The following SNX29 variants were observed in gnomAD, a reference collection of about 807,000 sequenced individuals.
SNX29 encodes sorting nexin-29.
SNX29 carries 78 observed loss-of-function variants against 102.1 expected under a neutral mutation model. The observed-to-expected ratio is 0.76, with a 90% CI of 0.64 to 0.92. The LOEUF is 0.92. SNX29 is among the 40% of genes least tolerant of loss of function. The pLI, the probability that SNX29 is intolerant of heterozygous loss-of-function variation, is 0.00. For missense variants in SNX29, 1,280 were observed against 1,061.7 expected, an observed-to-expected ratio of 1.21 and a Z score of -2.86; for synonymous variants, 580 against 414.5, an observed-to-expected ratio of 1.40 and a Z score of -4.85.
chr16:12,552,106 T>C (rs2078015513), intron 20 of SNX29, among the ~76,000 whole-genome samples: 1 of 152,184 alleles, frequency 6.6e-6, no homozygotes. Flanking sequence ...TCAGTGAGTG[T>C]AACCATGGCT....
chr16:11,982,180 C>T (rs1436767308), intron 1 of SNX29, among the ~76,000 whole-genome samples: 1 of 152,020 alleles, frequency 6.6e-6, no homozygotes, highest in Non-Finnish European at 1.5e-5. Context: ...AAGATGCCTG[C>T]CAGACATGTG....
chr16:12,211,636 C>T (rs1467060651), intron 14 of SNX29, among the ~76,000 whole-genome samples: 1 of 152,118 alleles, frequency 6.6e-6, no homozygotes, highest in African/African-American at 2.4e-5. Context: ...GTTATGGTGG[C>T]ATCTGTCAAC....
intron 4 of SNX29, among the ~76,000 whole-genome samples, chr16:12,033,352 C>T (rs1295704445): frequency 6.6e-6 from 1 of 152,122 alleles, no homozygotes; most frequent in Non-Finnish European, 1.5e-5. Context: ...ATCCTCCCAC[C>T]TTGGCCTCCC....
intron 8 of SNX29, among the ~76,000 whole-genome samples, chr16:12,054,335 T>G (rs2050432083): frequency 6.6e-6 from 1 of 152,242 alleles, no homozygotes; most frequent in Non-Finnish European, 1.5e-5. Context: ...TGGTTAATTT[T>G]GTGTGTCAAC....
At chr16:12,187,799 GTAT>G (rs2076547378) in intron 13 of SNX29, among the ~76,000 whole-genome samples, 1 of 152,054 alleles carries the variant, frequency 6.6e-6, no homozygotes, top group African/African-American at 2.4e-5. Flanking sequence ...GTACATTAGG[GTAT>G]TCCACACTGG....
intron 13 of SNX29, among the ~76,000 whole-genome samples, chr16:12,179,385 C>T (rs993874175): frequency 5.3e-5 from 8 of 152,134 alleles, no homozygotes; most frequent in East Asian, 1.9e-4. Flanking sequence ...CTCGGGAGGC[C>T]GAGGCAAGAG....
chr16:12,303,123 G>C (rs897363143), intron 15 of SNX29, among the ~76,000 whole-genome samples: 3 of 152,216 alleles, frequency 2.0e-5, no homozygotes, highest in Non-Finnish European at 4.4e-5. Context: ...CCGTGAAGCT[G>C]TCTGTCTGTT....
intron 20 of SNX29, among the ~76,000 whole-genome samples, chr16:12,539,820 T>C (rs2077243953): frequency 1.3e-5 from 2 of 152,254 alleles, no homozygotes; most frequent in Admixed American, 1.3e-4. Flanking sequence ...TGTTTTCCTT[T>C]AACACATCCT....
intron 18 of SNX29, among the ~76,000 whole-genome samples, chr16:12,471,495 C>T (rs2087338972): frequency 1.3e-5 from 2 of 152,264 alleles, no homozygotes; most frequent in Non-Finnish European, 2.9e-5. Context: ...GAATTCGAAC[C>T]CATTTCTCAC....
chr16:12,568,817 C>G lies in SNX29; in HGVS notation c.*188C>G, dbSNP rs911953609. ...GTCTTCGAGCCGCATGATACCGTGA[C>G]CCGAGAGACCAAGGCAGCACCTCGC... is the stretch of plus-strand genomic sequence containing the variant. On this transcript the variant is annotated 3_prime_UTR_variant, in exon 21 of 21. Coordinates refer to ENST00000566228, the MANE Select transcript of SNX29 (RefSeq NM_032167.5). The G allele has an allele frequency of 1.2e-4, 112 of 910,518 alleles. No individual in the cohort carries two copies. Among genetic ancestry groups the G allele is most frequent in the Non-Finnish European group, 1.3e-5 (8 of 622,972 alleles). 56.4% of individuals were successfully genotyped at this position (910,518 alleles called of 1,614,324 possible).
intron 19 of SNX29, among the ~76,000 whole-genome samples, chr16:12,521,264 C>G (rs958527329): frequency 1.3e-5 from 2 of 152,100 alleles, no homozygotes; most frequent in African/African-American, 4.8e-5. Flanking sequence ...TGAAAGAAAT[C>G]AGATTTTTTT....
At chr16:12,197,432 A>G (rs112635126) in intron 13 of SNX29, among the ~76,000 whole-genome samples, 60 of 152,222 alleles carry the variant, frequency 3.9e-4, no homozygotes, top group Non-Finnish European at 7.1e-4. Flanking sequence ...TTAGCCGGTC[A>G]TGGTGGTGGG....
chr16:12,184,354 C>T (rs967341441), intron 13 of SNX29, among the ~76,000 whole-genome samples: 9 of 152,154 alleles, frequency 5.9e-5, no homozygotes, highest in South Asian at 2.1e-4. Context: ...GGCTGAGTTG[C>T]GTGCCATGCA....
At chr16:12,502,544 C>T (rs1443497303) in intron 19 of SNX29, among the ~76,000 whole-genome samples, 1 of 152,130 alleles carries the variant, frequency 6.6e-6, no homozygotes, top group Non-Finnish European at 1.5e-5. Flanking sequence ...GTGGCCGGGG[C>T]CTCATTCCCA....
chr16:12,056,043 G>A (rs533606255), intron 8 of SNX29, among the ~76,000 whole-genome samples: 11 of 152,036 alleles, frequency 7.2e-5, no homozygotes, highest in South Asian at 2.1e-4. Context: ...CACTATACCC[G>A]GCTAATTTTT....
Position 12,145,333 on chromosome 16 carries a change from A to G in SNX29, c.1595+15575A>G, listed in dbSNP as rs75831942. On this transcript the variant is annotated intron_variant, in intron 13 of 20. Coordinates refer to ENST00000566228, the MANE Select transcript of SNX29 (RefSeq NM_032167.5). ...TTAGTCCACTTAAGTATATTTTTAC[A>G]TAGTTACACCACTGTTTGTTGTGTA... Among the ~76,000 whole-genome samples, 1,116 of 152,324 alleles carry G rather than the reference A, an allele frequency of 7.3e-3. 12 individuals are homozygous for G. Among genetic ancestry groups the G allele is most frequent in the African/African-American group, 0.026 (1,070 of 41,584 alleles).
At chr16:12,399,545 C>T (rs2083855997) in intron 17 of SNX29, among the ~76,000 whole-genome samples, 1 of 152,232 alleles carries the variant, frequency 6.6e-6, no homozygotes, top group South Asian at 2.1e-4. Context: ...TCTTCAGAGG[C>T]AGGCTGGCCT....
At chr16:12,558,305 T>TTGA (rs1378918492) in intron 20 of SNX29, among the ~76,000 whole-genome samples, 1 of 152,114 alleles carries the variant, frequency 6.6e-6, no homozygotes, top group Non-Finnish European at 1.5e-5. Flanking sequence ...AGATGGCCCC[T>TTGA]GGTCACCTCA....
At chr16:12,240,411 A>C (rs1370479499) in intron 14 of SNX29, among the ~76,000 whole-genome samples, 1 of 151,626 alleles carries the variant, frequency 6.6e-6, no homozygotes, top group Non-Finnish European at 1.5e-5. Flanking sequence ...TTGTATTTCT[A>C]CTGTGTTTCA....
Sources: gnomAD v4.1 joint callset for allele counts (sites outside exome capture counted in the v4.1 genomes callset) on GRCh38, gnomAD v4.1.1 for gene constraint, MANE v1.5 for transcripts, NCBI Gene and HGNC (gene_info 2026-07-23, HGNC 2026-07-21) for gene names.